Variants in ITSN1 observed in about 807,000 individuals in gnomAD.
ITSN1 encodes intersectin 1, also known as intersectin-1.
In ITSN1, 58 loss-of-function variants were observed where a neutral mutation model predicts 239.8. The ratio of observed to expected loss-of-function variants is 0.24; its 90% CI spans 0.20 to 0.30. The LOEUF (loss-of-function observed/expected upper bound fraction) is 0.30, where lower values mean the gene tolerates loss of function less well. ITSN1 is among the 10% of genes least tolerant of loss of function. The probability of loss-of-function intolerance (pLI) is 1.00; values close to 1 mark genes in which losing one functional copy is unlikely to be tolerated. For synonymous variants in ITSN1, 780 were observed against 770.8 expected (o/e 1.01, Z -0.20); for missense variants, 1,558 against 2,103.3 (o/e 0.74, Z 5.07).
chr21:33,804,440 A>G (rs2072247958), intron 20 of ITSN1, among the ~76,000 whole-genome samples: 1 of 152,244 alleles, frequency 6.6e-6, no homozygotes, highest in African/African-American at 2.4e-5. Context: ...AGAGAAACAC[A>G]TGAAAAGGCC....
In ITSN1 at chr21:33,764,513, A is replaced by G. The variant is rs534542848; in HGVS notation, c.789-1362A>G. Among the ~76,000 whole-genome samples the G allele has an allele frequency of 9.3e-4, 142 of 152,286 alleles. 1 individual carries two copies. The highest frequency in any genetic ancestry group is 6.8e-3 in the Middle Eastern group (2 of 294). On this transcript the variant is annotated intron_variant, in intron 9 of 39. Transcript: ENST00000381318. ...AACAGAAAAAAGATCAGCAGTTGCC[A>G]GGGGATGGGGGCAAAGGAGGGAGTT...
At chr21:33,779,184 G>T (rs201260228) in intron 14 of ITSN1, among the ~76,000 whole-genome samples, 1 of 145,760 alleles carries the variant, frequency 6.9e-6, no homozygotes, top group Non-Finnish European at 1.5e-5. Flanking sequence ...CTTTATTTTT[G>T]TTCTTTTTCT....
intron 1 of ITSN1, among the ~76,000 whole-genome samples, chr21:33,712,167 A>C (rs1373075096): frequency 2.0e-5 from 3 of 151,602 alleles, no homozygotes; most frequent in Non-Finnish European, 4.4e-5. Flanking sequence ...ATTGTCTTGG[A>C]GTTGGCATCT....
In ITSN1 at chr21:33,899,335, T is replaced by G. The variant is rs985630991; in HGVS notation, c.*11035T>G. 6.6e-6 allele frequency: 1 copy of G among 152,370 alleles called. No individual in the cohort carries two copies. The highest frequency in any genetic ancestry group is 3.4e-3 in the Middle Eastern group (1 of 294). The allele number at this position is 152,370 out of a possible 1,614,324, so 9.4% of individuals were successfully genotyped here. On this transcript the variant is annotated 3_prime_UTR_variant, in exon 40 of 40. Transcript: ENST00000381318. The stretch of plus-strand genomic sequence containing the variant: ...CAAGCGGGCCACAGTGCTGGTGGCA[T>G]GTTGCTTCCCTCACAGCCCTGCCCA...
intron 12 of ITSN1, among the ~76,000 whole-genome samples, chr21:33,773,563 G>A (rs916942881): frequency 6.6e-6 from 1 of 152,126 alleles, no homozygotes; most frequent in African/African-American, 2.4e-5. Context: ...CAGCACTTTG[G>A]GAGGCTAAGG....
intron 5 of ITSN1, among the ~76,000 whole-genome samples, chr21:33,738,587 C>T (rs1437593546): frequency 2.0e-5 from 3 of 151,838 alleles, no homozygotes; most frequent in African/African-American, 4.8e-5. Flanking sequence ...TTTTTAGTAG[C>T]GACGGGGTTT....
intron 29 of ITSN1, among the ~76,000 whole-genome samples, chr21:33,840,401 T>TCACC (rs2074781739): frequency 6.6e-6 from 1 of 152,170 alleles, no homozygotes; most frequent in Admixed American, 6.5e-5. Context: ...TCTTACTCTG[T>TCACC]CACCCAGGCT....
intron 14 of ITSN1, among the ~76,000 whole-genome samples, chr21:33,776,560 A>AG (rs1435416133): frequency 4.1e-5 from 6 of 145,228 alleles, no homozygotes; most frequent in Admixed American, 6.8e-5. Flanking sequence ...AAAAAAAAAA[A>AG]AGAGAGAGAA....
chr21:33,869,696 C>A (rs1982376453), intron 33 of ITSN1, among the ~76,000 whole-genome samples: 1 of 152,062 alleles, frequency 6.6e-6, no homozygotes, highest in Admixed American at 6.6e-5. Context: ...AGTATAGCTC[C>A]TGGAAAGAGG....
intron 1 of ITSN1, among the ~76,000 whole-genome samples, chr21:33,714,276 G>A (rs1232825710): frequency 2.6e-5 from 4 of 152,124 alleles, no homozygotes; most frequent in African/African-American, 4.8e-5. Context: ...TAAAGAAATC[G>A]GGCTTTAATT....
chr21:33,851,778 CTTTTTT>C (rs35567402), intron 29 of ITSN1, among the ~76,000 whole-genome samples: 24 of 66,216 alleles, frequency 3.6e-4, no homozygotes, highest in Admixed American at 7.0e-4. Context: ...CTTTTCTTTC[CTTTTTT>C]TTTTTTTTTT....
chr21:33,653,860 C>T (rs551339003), intron 1 of ITSN1, among the ~76,000 whole-genome samples: 88 of 152,058 alleles, frequency 5.8e-4, no homozygotes, highest in Non-Finnish European at 1.1e-3. Flanking sequence ...CTTGTTATAT[C>T]GCCCAGGATG....
chr21:33,896,431 C>T lies in ITSN1; in HGVS notation c.*8131C>T, dbSNP rs2148595170. 6.6e-6 allele frequency: 1 copy of T among 152,444 alleles called. No homozygotes were observed. The highest frequency in any genetic ancestry group is 1.5e-5 in the Non-Finnish European group (1 of 68,094). The allele number at this position is 152,444 out of a possible 1,614,324, so 9.4% of individuals were successfully genotyped here. On this transcript the variant is annotated 3_prime_UTR_variant, in exon 40 of 40. Coordinates refer to ENST00000381318, the MANE Select transcript of ITSN1 (RefSeq NM_003024.3). ...AGAGAAGCAGGGTCATAGAAGTGCT[C>T]AGTGTCCCTTCCCCAGTGGCTGGAC...
At chr21:33,791,234 A>T (rs1029157280) in intron 16 of ITSN1, among the ~76,000 whole-genome samples, 2 of 152,186 alleles carry the variant, frequency 1.3e-5, no homozygotes, top group African/African-American at 4.8e-5. Context: ...TTTCCTTACA[A>T]CTGTGTATCT....
intron 1 of ITSN1, among the ~76,000 whole-genome samples, chr21:33,652,154 G>C (rs1385325851): frequency 2.0e-5 from 3 of 151,906 alleles, no homozygotes. Flanking sequence ...TACTTAGCCC[G>C]GGAGAGTTGA....
At chr21:33,863,789 C>A (rs767296934) in intron 31 of ITSN1, among the ~76,000 whole-genome samples, 1 of 152,242 alleles carries the variant, frequency 6.6e-6, no homozygotes, top group Non-Finnish European at 1.5e-5. Context: ...CTCATCCCCC[C>A]AAATTATTGG....
intron 6 of ITSN1, among the ~76,000 whole-genome samples, chr21:33,750,974 G>A (rs1490216584): frequency 6.6e-6 from 1 of 152,166 alleles, no homozygotes; most frequent in Non-Finnish European, 1.5e-5. Flanking sequence ...CTACATCTAA[G>A]TAAATTCAGT....
intron 1 of ITSN1, among the ~76,000 whole-genome samples, chr21:33,643,199 C>A (rs1282729516): frequency 1.3e-5 from 2 of 151,858 alleles, no homozygotes; most frequent in East Asian, 3.9e-4. Flanking sequence ...CCGGCTCCTT[C>A]CTCGGCCCCT....
At chr21:33,774,167 T>C (rs1303803820) in intron 12 of ITSN1, among the ~76,000 whole-genome samples, 1 of 152,202 alleles carries the variant, frequency 6.6e-6, no homozygotes, top group Non-Finnish European at 1.5e-5. Context: ...GCAATTCCCA[T>C]AGACTGTCAG....
Sources: allele counts gnomAD v4.1 joint callset (sites outside exome capture counted in the v4.1 genomes callset), GRCh38; gene constraint gnomAD v4.1.1; transcripts MANE v1.5; gene names NCBI Gene and HGNC (gene_info 2026-07-23, HGNC 2026-07-21).